ATP6V1H: variants seen among roughly 807,000 people sequenced by gnomAD.
ATP6V1H encodes the protein ATPase H+ transporting V1 subunit H.
Under a neutral mutation model 71.7 loss-of-function variants are expected in ATP6V1H, and 39 were observed. The observed-to-expected ratio is 0.54, with a 90% CI of 0.42 to 0.71. The LOEUF is 0.71. ATP6V1H is among the 30% of genes least tolerant of loss of function. The probability of loss-of-function intolerance (pLI) is 0.00; values close to 1 mark genes in which losing one functional copy is unlikely to be tolerated. For missense variants in ATP6V1H, 509 were observed against 594.9 expected, an observed-to-expected ratio of 0.86 and a Z score of 1.50; for synonymous variants, 192 against 199.3, an observed-to-expected ratio of 0.96 and a Z score of 0.31.
At chr8:53,724,502 G>A (rs1585717498) in intron 13 of ATP6V1H, among the ~76,000 whole-genome samples, 1 of 151,670 alleles carries the variant, frequency 6.6e-6, no homozygotes, top group South Asian at 2.1e-4. Flanking sequence ...GACTGAGTAA[G>A]GGCCATACGA....
chr8:53,739,877 C>T (rs1490887894), intron 13 of ATP6V1H, among the ~76,000 whole-genome samples: 3 of 152,190 alleles, frequency 2.0e-5, no homozygotes, highest in South Asian at 2.1e-4. Context: ...CAGCTGAGGG[C>T]GCCCAGTGGG....
At chr8:53,774,436 A>G (rs892443562) in intron 9 of ATP6V1H, among the ~76,000 whole-genome samples, 1 of 152,158 alleles carries the variant, frequency 6.6e-6, no homozygotes, top group Non-Finnish European at 1.5e-5. Context: ...GAAAAACAAA[A>G]CTACGATTCT....
chr8:53,732,392 C>A (rs887584779), intron 13 of ATP6V1H, among the ~76,000 whole-genome samples: 5 of 152,020 alleles, frequency 3.3e-5, no homozygotes, highest in Non-Finnish European at 5.9e-5. Flanking sequence ...GTTACAGAAC[C>A]TTAAAAAAGG....
chr8:53,774,506 G>C (rs1457737952), intron 9 of ATP6V1H, among the ~76,000 whole-genome samples: 2 of 152,074 alleles, frequency 1.3e-5, no homozygotes, highest in Non-Finnish European at 1.5e-5. Context: ...ATCCTTTCAT[G>C]TAAAACATTG....
At chr8:53,778,038 A>T (rs1214293743) in intron 9 of ATP6V1H, among the ~76,000 whole-genome samples, 1 of 152,234 alleles carries the variant, frequency 6.6e-6, no homozygotes, top group Non-Finnish European at 1.5e-5. Flanking sequence ...ATACAGTAAC[A>T]TGACAACTGT....
At chr8:53,756,977 C>T (rs1263446317) in intron 11 of ATP6V1H, among the ~76,000 whole-genome samples, 1 of 152,196 alleles carries the variant, frequency 6.6e-6, no homozygotes, top group African/African-American at 2.4e-5. Context: ...TATATATTTT[C>T]ATAAGCCATT....
chr8:53,821,884 C>T (rs148735387), intron 4 of ATP6V1H, among the ~76,000 whole-genome samples: 38 of 152,096 alleles, frequency 2.5e-4, no homozygotes, highest in African/African-American at 8.9e-4. Context: ...AAAACTGTAA[C>T]GTAACAATGC....
At chr8:53,815,829 AT>A (rs772613453) in intron 5 of ATP6V1H, among the ~76,000 whole-genome samples, 147 of 152,268 alleles carry the variant, frequency 9.7e-4, no homozygotes, top group Non-Finnish European at 1.4e-3. Flanking sequence ...ATAAGCTAGC[AT>A]AAGCTCTTTA....
At chr8:53,744,257 C>T (rs1158693700) in intron 12 of ATP6V1H, among the ~76,000 whole-genome samples, 6 of 151,910 alleles carry the variant, frequency 3.9e-5, no homozygotes, top group South Asian at 2.1e-4. Context: ...GGCAGTGAGA[C>T]GAAGGAGAAC....
At chr8:53,788,824 C>T (rs1809468777) in intron 9 of ATP6V1H, among the ~76,000 whole-genome samples, 1 of 152,158 alleles carries the variant, frequency 6.6e-6, no homozygotes, top group South Asian at 2.1e-4. Context: ...CATAAAGGTA[C>T]ATAATTAATT....
intron 4 of ATP6V1H, among the ~76,000 whole-genome samples, chr8:53,817,762 T>C (rs1353362214): frequency 6.6e-6 from 1 of 151,994 alleles, no homozygotes; most frequent in Non-Finnish European, 1.5e-5. Context: ...AATCACAAAG[T>C]GTAAGACTAC....
At chr8:53,820,593 A>G (rs1810618007) in intron 4 of ATP6V1H, among the ~76,000 whole-genome samples, 1 of 151,482 alleles carries the variant, frequency 6.6e-6, no homozygotes, top group Non-Finnish European at 1.5e-5. Context: ...TTTGAACCCA[A>G]GAGTTTGAGG....
Position 53,769,603 on chromosome 8 carries a change from G to A in ATP6V1H, c.1175+15C>T. The stretch of plus-strand genomic sequence containing the variant: ...TAACAGATATTAAGAGTGTAAAGTA[G>A]AACAAAAAACTTACTTCAAGAGTTC... On this transcript the variant is annotated intron_variant, in intron 11 of 13. Coordinates refer to ENST00000359530, the MANE Select transcript of ATP6V1H (RefSeq NM_015941.4). 6.2e-7 allele frequency: 1 copy of A among 1,607,996 alleles called. No individual in the cohort carries two copies. Among genetic ancestry groups the A allele is most frequent in the South Asian group, 1.1e-5 (1 of 89,772 alleles).
intron 13 of ATP6V1H, among the ~76,000 whole-genome samples, chr8:53,720,778 T>TA (rs1806584824): frequency 6.6e-6 from 1 of 152,222 alleles, no homozygotes; most frequent in African/African-American, 2.4e-5. Flanking sequence ...CTACTAAGTC[T>TA]CTTTTATTTT....
rs146246625 is a variant in ATP6V1H at position 53,765,364 on chromosome 8, C to T, written c.1175+4254G>A. On this transcript the variant is annotated intron_variant, in intron 11 of 13. Transcript: ENST00000359530. ...GCAGTAAGCTGAAATTGCGCTATTG[C>T]ACTCCAGCCTGGACAACAGAGTGAG... Among the ~76,000 whole-genome samples the T allele has an allele frequency of 8.3e-3, 1,215 of 146,820 alleles. 13 individuals are homozygous for T. Among genetic ancestry groups the T allele is most frequent in the Non-Finnish European group, 0.013 (870 of 67,054 alleles).
chr8:53,716,062 C>T (rs1296485427), intron 13 of ATP6V1H, 38 bp from the exon 14 acceptor site: 2 of 1,542,160 alleles, frequency 1.3e-6, no homozygotes, highest in South Asian at 1.2e-5. Context: ...ATGAGAATTT[C>T]AATAGCAAAG....
intron 8 of ATP6V1H, among the ~76,000 whole-genome samples, chr8:53,797,774 C>A (rs562622525): frequency 7.9e-5 from 12 of 151,548 alleles, no homozygotes; most frequent in Non-Finnish European, 1.6e-4. Flanking sequence ...CCAGGGTGGG[C>A]GGATCTCTTG....
At chr8:53,772,919 A>AAAAAAAAAAAAAT (rs1808721793) in intron 9 of ATP6V1H, among the ~76,000 whole-genome samples, 1 of 151,220 alleles carries the variant, frequency 6.6e-6, no homozygotes, top group African/African-American at 2.4e-5. Flanking sequence ...AAAAAAAAAA[A>AAAAAAAAAAAAAT]AAACAAAACA....
chr8:53,819,827 T>TAC lies in ATP6V1H; in HGVS notation c.307-2299_307-2298dup, dbSNP rs750799957. Among the ~76,000 whole-genome samples, 160 of 145,522 alleles carry TAC rather than the reference T, an allele frequency of 1.1e-3. 1 individual carries two copies. Among genetic ancestry groups the TAC allele is most frequent in the African/African-American group, 3.5e-3 (137 of 39,494 alleles). ...GTATATGTGTGTGTGTGTATATATA[T>TAC]ACACACACACACACATACATACATA... On this transcript the variant is annotated intron_variant, in intron 4 of 13. Coordinates refer to ENST00000359530, the MANE Select transcript of ATP6V1H (RefSeq NM_015941.4).
Sources: gnomAD v4.1 joint callset for allele counts (sites outside exome capture counted in the v4.1 genomes callset) on GRCh38, gnomAD v4.1.1 for gene constraint, MANE v1.5 for transcripts, NCBI Gene and HGNC (gene_info 2026-07-23, HGNC 2026-07-21) for gene names.